DST: variants seen among roughly 807,000 people sequenced by gnomAD.
The protein encoded by DST is dystonin, also known as bullous pemphigoid antigen.
In DST, 253 loss-of-function variants were observed where a neutral mutation model predicts 875.2. That is an observed-to-expected ratio of 0.29 (90% CI 0.26 to 0.32). DST has a LOEUF of 0.32. Ranked by LOEUF, DST falls within the 10% of genes least tolerant of loss-of-function variation. The pLI, the probability that DST is intolerant of heterozygous loss-of-function variation, is 1.00. For missense variants in DST, 8,287 were observed against 9,111.6 expected (o/e 0.91, Z 3.68); for synonymous variants, 3,124 against 3,197.1 (o/e 0.98, Z 0.77).
chr6:56,518,060 T>C (rs1284679590), intron 69 of DST, among the ~76,000 whole-genome samples: 1 of 152,094 alleles, frequency 6.6e-6, no homozygotes, highest in Non-Finnish European at 1.5e-5. Context: ...GAATAGAATA[T>C]CCCCATTTAT....
intron 88 of DST, 110 bp downstream of exon 88, chr6:56,485,202 A>T (rs2095522004): frequency 1.7e-6 from 2 of 1,201,028 alleles, no homozygotes; most frequent in Non-Finnish European, 2.4e-6. Context: ...ACTGTTATGT[A>T]GTATGATCTA....
At chr6:56,771,368 C>T (rs943101922) in intron 4 of DST, among the ~76,000 whole-genome samples, 1 of 152,120 alleles carries the variant, frequency 6.6e-6, no homozygotes, top group African/African-American at 2.4e-5. Context: ...CTGCAAAGAG[C>T]AGTTGTCCAA....
At chr6:56,542,949 G>C (rs2097160937) in intron 61 of DST, 1 of 152,322 alleles carries the variant, frequency 6.6e-6, no homozygotes. Context: ...GAGGTACCTC[G>C]AAGCCGAGAG....
At chr6:56,696,373 G>A (rs1018480509) in intron 9 of DST, among the ~76,000 whole-genome samples, 1 of 152,078 alleles carries the variant, frequency 6.6e-6, no homozygotes, top group Admixed American at 6.5e-5. Context: ...TGTTGGTCAG[G>A]CTGGTCTTGA....
At chr6:56,643,701 T>TA (rs1180800610) in intron 15 of DST, among the ~76,000 whole-genome samples, 2 of 152,216 alleles carry the variant, frequency 1.3e-5, no homozygotes, top group Admixed American at 1.3e-4. Flanking sequence ...ATAATACTGT[T>TA]ACTTCTCCAC....
chr6:56,606,066 A>C lies in DST; in HGVS notation c.8562T>G (p.Ile2854Met). The change falls in exon 40 of 104, where the codon ATT (isoleucine) becomes ATG (methionine). Residue 2854 changes from isoleucine (I) to methionine (M), a missense_variant. Physicochemically the swap from Ile to Met is conservative, Grantham distance 10. Transcript: ENST00000680361. Reference protein sequence around the residue: ...LNENSDENENINTMILLDKMH... With the variant: ...LNENSDENENMNTMILLDKMH... ...TTTTATCCAGAAGAATCATTGTATT[A>C]ATATTTTCATTTTCATCACTGTTTT... 6.2e-7 allele frequency: 1 copy of C among 1,612,840 alleles called. No homozygotes were observed. Among genetic ancestry groups the C allele is most frequent in the South Asian group, 1.1e-5 (1 of 91,042 alleles).
At position 56,469,618 on chromosome 6, in the gene DST, A is replaced by G. The variant is rs1477181890; in HGVS notation, c.22551+265T>C. Among the ~76,000 whole-genome samples, 3 of 152,196 alleles carry G rather than the reference A, an allele frequency of 2.0e-5. No homozygotes were observed. In the East Asian group the frequency reaches 5.8e-4, roughly 29 times the overall value. ...AAATAATATGAAGCAACCTAAATAT[A>G]TGAGATTTGAGTATTTTCTTGTGAA... is the stretch of plus-strand genomic sequence containing the variant. On this transcript the variant is annotated intron_variant, in intron 97 of 103. Transcript: ENST00000680361.
At chr6:56,695,515 C>A (rs577208067) in intron 9 of DST, among the ~76,000 whole-genome samples, 201 of 152,256 alleles carry the variant, frequency 1.3e-3, no homozygotes, top group African/African-American at 4.5e-3. Flanking sequence ...TCTTTCAAAG[C>A]CTATCTCTAG....
intron 2 of DST, among the ~76,000 whole-genome samples, chr6:56,904,477 C>T (rs1251913110): frequency 6.6e-6 from 1 of 152,190 alleles, no homozygotes; most frequent in Non-Finnish European, 1.5e-5. Context: ...AGATAATCCA[C>T]ATTACGTACT....
At chr6:56,565,198 G>A (rs9349830) in intron 55 of DST, among the ~76,000 whole-genome samples, 55,680 of 146,512 alleles carry the variant, frequency 0.38, 10,694 homozygotes, top group Admixed American at 0.44. Context: ...TCGGCTCACC[G>A]CAAGCTCCAT....
At position 56,606,061 on chromosome 6, in the gene DST, G is replaced by A. The variant is rs770541869; in HGVS notation, c.8567C>T (p.Thr2856Ile). ...GTGCATTTTATCCAGAAGAATCATTGTATTAATATTTTCATTTTCATCACT... is the reference window on the plus strand; with the variant it reads ...GTGCATTTTATCCAGAAGAATCATTATATTAATATTTTCATTTTCATCACT... ...ENSDENENIN[T>I]MILLDKMHSC... is the part of the protein sequence containing the mutation. Residue 2856 changes from threonine (T) to isoleucine (I), a missense_variant, in exon 40 of 104, where the codon ACA becomes ATA. Coordinates refer to ENST00000680361, the MANE Select transcript of DST (RefSeq NM_001374736.1). 7 of 1,612,836 alleles carry A rather than the reference G, an allele frequency of 4.3e-6. No individual in the cohort carries two copies. The highest frequency in any genetic ancestry group is 5.9e-6 in the Non-Finnish European group (7 of 1,179,180).
At chr6:56,766,982 A>G (rs1280707333) in intron 4 of DST, among the ~76,000 whole-genome samples, 2 of 152,220 alleles carry the variant, frequency 1.3e-5, no homozygotes, top group Admixed American at 6.5e-5. Flanking sequence ...CTCTTAAATA[A>G]CACAGTAAGG....
chr6:56,625,676 G>A lies in DST; in HGVS notation c.4723-412C>T, dbSNP rs142780533. On this transcript the variant is annotated intron_variant, in intron 34 of 103. Coordinates refer to ENST00000680361, the MANE Select transcript of DST (RefSeq NM_001374736.1). ...CTTGGTAATAAATGACTATGTTACTGGTCTATATATTTACCACACTATACT... is the reference window on the plus strand; with the variant it reads ...CTTGGTAATAAATGACTATGTTACTAGTCTATATATTTACCACACTATACT... Among the ~76,000 whole-genome samples the A allele has an allele frequency of 3.3e-4, 50 of 151,130 alleles. No individual in the cohort carries two copies. The East Asian group carries it at 7.5e-3, about 23-fold the overall frequency.
intron 4 of DST, among the ~76,000 whole-genome samples, chr6:56,776,816 T>C (rs942010167): frequency 3.3e-5 from 5 of 152,186 alleles, no homozygotes; most frequent in African/African-American, 1.2e-4. Context: ...TGGCACTAAA[T>C]GACCTTTATC....
intron 36 of DST, chr6:56,617,548 C>A: frequency 1.2e-6 from 1 of 824,514 alleles, no homozygotes; most frequent in Non-Finnish European, 2.0e-6. Flanking sequence ...AATTTCAAAC[C>A]AAGGAGGGTT....
At chr6:56,658,874 G>T (rs2099024077) in intron 10 of DST, among the ~76,000 whole-genome samples, 1 of 152,158 alleles carries the variant, frequency 6.6e-6, no homozygotes, top group Non-Finnish European at 1.5e-5. Context: ...GCATGCATAG[G>T]TCTGTGGTTG....
chr6:56,764,995 GAGGA>G (rs1387636210), intron 4 of DST, among the ~76,000 whole-genome samples: 1 of 134,284 alleles, frequency 7.4e-6, no homozygotes. Flanking sequence ...GGGAGGGAGG[GAGGA>G]AGGGAGGGAG....
At chr6:56,614,321 T>G (rs772610106) in intron 37 of DST, 35 bp downstream of exon 37, 4 of 1,554,382 alleles carry the variant, frequency 2.6e-6, no homozygotes, top group Non-Finnish European at 3.5e-6. Flanking sequence ...TCCCTGCTAT[T>G]ATTATTATTA....
intron 50 of DST, among the ~76,000 whole-genome samples, chr6:56,574,953 T>C (rs534935680): frequency 2.6e-5 from 4 of 152,284 alleles, no homozygotes; most frequent in Admixed American, 6.5e-5. Context: ...ACATAATCTA[T>C]ACAACAAAAT....
Sources: gnomAD v4.1 joint callset for allele counts (sites outside exome capture counted in the v4.1 genomes callset) on GRCh38, gnomAD v4.1.1 for gene constraint, MANE v1.5 for transcripts, NCBI Gene and HGNC (gene_info 2026-07-23, HGNC 2026-07-21) for gene names.